MYH14: variants seen among roughly 807,000 people sequenced by gnomAD.
MYH14 encodes the protein myosin heavy chain 14.
Under a neutral mutation model 255.5 loss-of-function variants are expected in MYH14, and 123 were observed. The observed-to-expected ratio is 0.48, with a 90% CI of 0.42 to 0.56. The LOEUF (loss-of-function observed/expected upper bound fraction) is 0.56. Among genes scored for constraint, MYH14 ranks in the 20% least tolerant of loss-of-function variants. The pLI is 0.00. For missense variants in MYH14, 2,423 were observed against 2,802.3 expected (o/e 0.86, Z 3.06); for synonymous variants, 1,095 against 1,161.2 (o/e 0.94, Z 1.16).
chr19:50,227,007 C>T (rs1232985795), intron 8 of MYH14, 41 bp downstream of exon 8: 23 of 1,598,558 alleles, frequency 1.4e-5, no homozygotes, highest in Non-Finnish European at 2.0e-5. Flanking sequence ...CCAAGGGGGG[C>T]AGCCTTTCAG....
At chr19:50,290,028 A>G (rs1468914086) in intron 35 of MYH14, among the ~76,000 whole-genome samples, 2 of 151,174 alleles carry the variant, frequency 1.3e-5, no homozygotes, top group African/African-American at 4.9e-5. Context: ...CAAACCATTC[A>G]CCCATCCATC....
At chr19:50,291,140 C>T (rs1011794222) in intron 36 of MYH14, 92 bp downstream of exon 36, 3 of 1,272,968 alleles carry the variant, frequency 2.4e-6, no homozygotes, top group South Asian at 1.5e-5. Context: ...TCGGACCCCT[C>T]GCTCTCAACC....
At chr19:50,263,534 T>C in intron 22 of MYH14, 114 bp downstream of exon 22, 1 of 625,836 alleles carries the variant, frequency 1.6e-6, no homozygotes, top group South Asian at 3.5e-5. Flanking sequence ...ATCACTAAAA[T>C]GGGGCCAGTC....
rs1401235358 is a variant in MYH14, at chr19:50,255,224, TG to T, written c.1955del (p.Gly652AlafsTer40). ...LTAEIWKDEH[G>X]GFQQFSFLGS... ...ACATCTGTCCTCACTCCCCAGAACA[TG>T]GGGGCTTCCAGCAGTTCTCTTTCCT... On this transcript the variant is annotated frameshift_variant, in exon 17 of 43. Transcript: ENST00000642316. LOFTEE classifies it high-confidence loss of function. 4.5e-6 allele frequency: 7 copies of T among 1,550,416 alleles called. No individual in the cohort carries two copies. The highest frequency in any genetic ancestry group is 6.1e-6 in the Non-Finnish European group (7 of 1,146,204).
Position 50,268,278 on chromosome 19 carries a change from G to A in MYH14, c.2944G>A (p.Val982Met), listed in dbSNP as rs1014020902. The A allele has an allele frequency of 3.2e-6, 5 of 1,584,250 alleles. No homozygotes were observed. The African/African-American group carries it at 4.0e-5, about 13-fold the overall frequency. Residue 982 changes from valine (V) to methionine (M), a missense_variant, in exon 24 of 43, where the codon GTG becomes ATG. By Grantham distance (21) the Val-to-Met change is conservative (BLOSUM62 1). Coordinates refer to ENST00000642316, the MANE Select transcript of MYH14 (RefSeq NM_001145809.2). ...AARKQELELV[V>M]SELEARVGEE... ...CCGCAAGCAGGAGCTGGAGCTGGTG[G>A]TGTCAGAGCTGGAGGCTCGCGTGGG...
In MYH14 at chr19:50,276,813, G is replaced by A. The variant is rs368918699; in HGVS notation, c.3737G>A (p.Arg1246His). 4.3e-6 allele frequency: 7 copies of A among 1,613,110 alleles called. No individual in the cohort carries two copies. Among genetic ancestry groups the A allele is most frequent in the Non-Finnish European group, 2.5e-6 (3 of 1,179,820 alleles). ...ELKKTLEEET[R>H]IHEAAVQELR... ...AAGAAGACTCTGGAGGAGGAGACTCGCATCCACGAGGCGGCAGTGCAGGAG... is the reference window on the plus strand; with the variant it reads ...AAGAAGACTCTGGAGGAGGAGACTCACATCCACGAGGCGGCAGTGCAGGAG... The change falls in exon 29 of 43, where the codon CGC (arginine) becomes CAC (histidine). Residue 1246 changes from arginine (R) to histidine (H), a missense_variant. Coordinates refer to ENST00000642316, the MANE Select transcript of MYH14 (RefSeq NM_001145809.2). The surrounding 1 kb of genome is among the most constrained non-coding windows in gnomAD (Gnocchi z 4.3).
chr19:50,255,045 T>C (rs979983810), intron 16 of MYH14, among the ~76,000 whole-genome samples, 175 bp from the exon 17 acceptor site: 2 of 152,248 alleles, frequency 1.3e-5, no homozygotes, highest in Non-Finnish European at 2.9e-5. Context: ...AGTTCAGAAG[T>C]TTATGGCCAA....
At chr19:50,228,674 T>C (rs1600891228) in intron 8 of MYH14, among the ~76,000 whole-genome samples, 1 of 152,202 alleles carries the variant, frequency 6.6e-6, no homozygotes, top group East Asian at 1.9e-4. Context: ...TTGGAGCTCA[T>C]GGCTCTTCCT....
At chr19:50,223,421 A>T in intron 5 of MYH14, 72 bp downstream of exon 5, 1 of 1,062,844 alleles carries the variant, frequency 9.4e-7, no homozygotes, top group Non-Finnish European at 1.4e-6. Flanking sequence ...GGCTTTCCCC[A>T]CAATTGTCTC....
At chr19:50,262,208 C>T (rs920424642) in intron 21 of MYH14, among the ~76,000 whole-genome samples, 2 of 152,132 alleles carry the variant, frequency 1.3e-5, no homozygotes, top group Non-Finnish European at 2.9e-5. Flanking sequence ...ATGCAAGATC[C>T]TGGCACGCTT....
Position 50,225,477 on chromosome 19 carries a change from C to T in MYH14, c.718-108C>T, listed in dbSNP as rs544120428. 187 of 774,254 alleles carry T rather than the reference C, an allele frequency of 2.4e-4. 2 individuals are homozygous for T. In the South Asian group the frequency reaches 2.4e-3, roughly 10 times the overall value. The allele number at this position is 774,254 out of a possible 1,614,324, so 48.0% of individuals were successfully genotyped here. ...GGTACACGCCCAGACACACAAAGGC[C>T]CCTCACACACAGATACTCAGTCAGC... On this transcript the variant is annotated intron_variant, in intron 6 of 42. Transcript: ENST00000642316.
chr19:50,299,842 G>A (rs139698080), intron 39 of MYH14, among the ~76,000 whole-genome samples: 1,586 of 152,058 alleles, frequency 0.01, 32 homozygotes, highest in African/African-American at 0.037. Flanking sequence ...CTACTCAGGA[G>A]GCTGAGGCAA....
chr19:50,308,022 A>G (rs2036711865), intron 41 of MYH14, among the ~76,000 whole-genome samples: 1 of 152,232 alleles, frequency 6.6e-6, no homozygotes, highest in African/African-American at 2.4e-5. Context: ...ATAAACCTGT[A>G]AACAAGCAGA....
chr19:50,227,616 C>A (rs1233973533), intron 8 of MYH14, among the ~76,000 whole-genome samples: 1 of 152,212 alleles, frequency 6.6e-6, no homozygotes, highest in African/African-American at 2.4e-5. Flanking sequence ...TGCCCAGACG[C>A]TAGCCAGGGG....
chr19:50,203,740 T>G (rs2031573190), intron 1 of MYH14, 69 bp downstream of exon 1: 3 of 150,846 alleles, frequency 2.0e-5, no homozygotes, highest in Non-Finnish European at 4.4e-5. Flanking sequence ...AGCTGGAGCC[T>G]GGGGGCTGCG....
rs188670401 is a variant in MYH14 at position 50,239,613 on chromosome 19, G to A, written c.1115-4629G>A. Reference sequence around the variant, plus strand: ...CACCCAGGTTGGAGTGCAGTGGCCCGATCTCCGCTCACTGCAAGCTCCGCC... The same window carrying A: ...CACCCAGGTTGGAGTGCAGTGGCCCAATCTCCGCTCACTGCAAGCTCCGCC... On this transcript the variant is annotated intron_variant, in intron 10 of 42. Coordinates refer to ENST00000642316, the MANE Select transcript of MYH14 (RefSeq NM_001145809.2). Among the ~76,000 whole-genome samples the A allele has an allele frequency of 1.6e-4, 25 of 151,838 alleles. No individual in the cohort carries two copies. In the South Asian group the frequency reaches 2.3e-3, roughly 14 times the overall value.
intron 7 of MYH14, among the ~76,000 whole-genome samples, chr19:50,226,296 G>T (rs2033095519): frequency 3.0e-5 from 1 of 33,880 alleles, no homozygotes; most frequent in Admixed American, 1.8e-4. Flanking sequence ...GAGTCTGGGG[G>T]AGGAGGGGCT....
intron 9 of MYH14, chr19:50,231,054 T>G: frequency 5.0e-6 from 1 of 201,178 alleles, no homozygotes. Flanking sequence ...CTCTGGCTCC[T>G]AGGCCACGGC....
chr19:50,257,531 G>C, intron 18 of MYH14, 45 bp downstream of exon 18: 1 of 1,551,718 alleles, frequency 6.4e-7, no homozygotes, highest in Non-Finnish European at 8.7e-7. Context: ...GTGGCTGTGG[G>C]TTAAGGTTTG....
Sources: allele counts gnomAD v4.1 joint callset (sites outside exome capture counted in the v4.1 genomes callset), GRCh38; gene constraint gnomAD v4.1.1; non-coding constraint Gnocchi (gnomAD v3.1); transcripts MANE v1.5; gene names NCBI Gene and HGNC (gene_info 2026-07-23, HGNC 2026-07-21).